The following RBFOX1 variants were observed in gnomAD, a reference collection of about 807,000 sequenced individuals.
The protein encoded by RBFOX1 is RNA binding protein fox-1 homolog 1.
In RBFOX1, 8 loss-of-function variants were observed where a neutral mutation model predicts 57.7. The observed-to-expected ratio is 0.14, with a 90% CI of 0.08 to 0.25. The LOEUF is 0.25. RBFOX1 is among the 10% of genes least tolerant of loss of function. The probability of loss-of-function intolerance (pLI) is 1.00; values close to 1 mark genes in which losing one functional copy is unlikely to be tolerated. For missense variants in RBFOX1, 611 were observed against 548.5 expected (o/e 1.11, Z -1.14); for synonymous variants, 326 against 222.4 (o/e 1.47, Z -4.15).
intron 4 of RBFOX1, among the ~76,000 whole-genome samples, chr16:5,912,741 C>G (rs2058629825): frequency 6.6e-6 from 1 of 152,144 alleles, no homozygotes; most frequent in African/African-American, 2.4e-5. Flanking sequence ...GTTTTATCTC[C>G]TTTGTTAAGA....
chr16:6,535,412 C>G (rs1340747820), intron 2 of RBFOX1, among the ~76,000 whole-genome samples: 3 of 119,676 alleles, frequency 2.5e-5, no homozygotes, highest in African/African-American at 5.9e-5. Context: ...CCCTGCCACC[C>G]TAAATCACAT....
At chr16:6,898,231 G>T (rs1034132599) in intron 3 of RBFOX1, among the ~76,000 whole-genome samples, 10 of 152,048 alleles carry the variant, frequency 6.6e-5, no homozygotes, top group Admixed American at 2.6e-4. Flanking sequence ...CGCCCCTTTG[G>T]CATCAAGCTC....
intron 2 of RBFOX1, among the ~76,000 whole-genome samples, chr16:6,479,366 T>A (rs951287125): frequency 6.6e-6 from 1 of 152,070 alleles, no homozygotes; most frequent in Non-Finnish European, 1.5e-5. Context: ...GGCAGGCAGA[T>A]CTCTTGAGGA....
At chr16:6,620,935 T>G (rs951305326) in intron 2 of RBFOX1, among the ~76,000 whole-genome samples, 1 of 152,158 alleles carries the variant, frequency 6.6e-6, no homozygotes, top group African/African-American at 2.4e-5. Context: ...ACAACAAAAT[T>G]TTATTCTCTC....
chr16:5,359,703 C>G (rs2065490037), intron 1 of RBFOX1, among the ~76,000 whole-genome samples: 1 of 152,040 alleles, frequency 6.6e-6, no homozygotes, highest in African/African-American at 2.4e-5. Context: ...CTTTGCCGAT[C>G]ATTTCCTCTG....
At chr16:7,217,312 G>A (rs1223455610) in intron 4 of RBFOX1, among the ~76,000 whole-genome samples, 1 of 19,522 alleles carries the variant, frequency 5.1e-5, no homozygotes, top group Non-Finnish European at 1.0e-4. Context: ...TTTTTTTTTA[G>A]TAGAGATGGA....
intron 3 of RBFOX1, among the ~76,000 whole-genome samples, chr16:6,916,375 A>C (rs1009488446): frequency 1.3e-5 from 2 of 152,062 alleles, no homozygotes; most frequent in African/African-American, 4.8e-5. Context: ...ACCTCTGTGC[A>C]TGGGGTTTGG....
At chr16:7,010,461 G>C (rs1238164835) in intron 3 of RBFOX1, among the ~76,000 whole-genome samples, 3 of 152,216 alleles carry the variant, frequency 2.0e-5, no homozygotes, top group East Asian at 3.9e-4. Context: ...GTGAGCATCC[G>C]AGGGGCTAGA....
chr16:6,991,474 C>G (rs1289564655), intron 3 of RBFOX1, among the ~76,000 whole-genome samples: 2 of 152,148 alleles, frequency 1.3e-5, no homozygotes, highest in Non-Finnish European at 2.9e-5. Flanking sequence ...GTAGATAAGT[C>G]CTTTTGAAAA....
intron 4 of RBFOX1, among the ~76,000 whole-genome samples, chr16:7,315,297 T>C (rs529019050): frequency 6.6e-6 from 1 of 152,136 alleles, no homozygotes; most frequent in South Asian, 2.1e-4. Context: ...GTAATATTTT[T>C]GTCTATGATA....
chr16:7,484,484 A>G (rs537717029), intron 4 of RBFOX1, among the ~76,000 whole-genome samples: 2 of 152,184 alleles, frequency 1.3e-5, no homozygotes, highest in East Asian at 1.9e-4. Context: ...TATTTTTTAG[A>G]CAGAGTCTCA....
chr16:7,062,622 C>T (rs563082644), intron 4 of RBFOX1, among the ~76,000 whole-genome samples: 1 of 152,134 alleles, frequency 6.6e-6, no homozygotes, highest in African/African-American at 2.4e-5. Flanking sequence ...CCCTAGCCAA[C>T]AGATGTGGAT....
At chr16:5,940,229 T>G (rs2059251815) in intron 4 of RBFOX1, among the ~76,000 whole-genome samples, 1 of 152,194 alleles carries the variant, frequency 6.6e-6, no homozygotes, top group East Asian at 1.9e-4. Flanking sequence ...TTGTGTGACC[T>G]TAGTTAGGCA....
chr16:5,409,541 T>A (rs539335615), intron 1 of RBFOX1, among the ~76,000 whole-genome samples: 2 of 152,248 alleles, frequency 1.3e-5, no homozygotes, highest in African/African-American at 4.8e-5. Flanking sequence ...AATGGGAATC[T>A]TTATTTTTCT....
At chr16:6,237,549 C>T (rs986697697) in intron 1 of RBFOX1, among the ~76,000 whole-genome samples, 2 of 152,102 alleles carry the variant, frequency 1.3e-5, no homozygotes, top group African/African-American at 4.8e-5. Flanking sequence ...CAAGACCAGC[C>T]TTGCCAAGAT....
Position 6,850,907 on chromosome 16 carries a change from A to G in RBFOX1, c.-16+196257A>G, listed in dbSNP as rs369330112. Among the ~76,000 whole-genome samples the G allele has an allele frequency of 2.7e-4, 41 of 152,198 alleles. 1 individual carries two copies. The highest frequency in any genetic ancestry group is 2.1e-3 in the East Asian group (11 of 5,190). ...CCAGTAAAATGAAAACACATCCACA[A>G]AACAACCTGTATGCAAATGTTCACT... On this transcript the variant is annotated intron_variant, in intron 3 of 15. Transcript: ENST00000550418.
intron 4 of RBFOX1, among the ~76,000 whole-genome samples, chr16:7,110,909 A>C (rs2064616356): frequency 6.6e-6 from 1 of 152,130 alleles, no homozygotes; most frequent in Non-Finnish European, 1.5e-5. Context: ...TAAGATTTTT[A>C]ACTTTGGGTA....
chr16:6,275,235 C>G (rs1457074840), intron 1 of RBFOX1, among the ~76,000 whole-genome samples: 2 of 151,866 alleles, frequency 1.3e-5, no homozygotes, highest in African/African-American at 4.8e-5. Context: ...GGTGTGAACC[C>G]AGGAGGTGGA....
At chr16:5,849,665 C>T (rs553997073) in intron 3 of RBFOX1, among the ~76,000 whole-genome samples, 6 of 152,250 alleles carry the variant, frequency 3.9e-5, no homozygotes, top group Admixed American at 1.3e-4. Flanking sequence ...TCTCCTGTTG[C>T]GTGGCCCCCT....
Sources: gnomAD v4.1 joint callset for allele counts (sites outside exome capture counted in the v4.1 genomes callset) on GRCh38, gnomAD v4.1.1 for gene constraint, MANE v1.5 for transcripts, NCBI Gene and HGNC (gene_info 2026-07-23, HGNC 2026-07-21) for gene names.